The following MATN2 variants were observed in gnomAD, a reference collection of about 807,000 sequenced individuals.
The protein encoded by MATN2 is matrilin 2.
MATN2 carries 69 observed loss-of-function variants against 103.2 expected under a neutral mutation model. That is an observed-to-expected ratio of 0.67 (90% CI 0.55 to 0.82). The LOEUF is 0.82. Among genes scored for constraint, MATN2 ranks in the 40% least tolerant of loss-of-function variants. The probability of loss-of-function intolerance (pLI) is 0.00; values close to 1 mark genes in which losing one functional copy is unlikely to be tolerated. For missense variants in MATN2, 1,023 were observed against 1,211.5 expected, an observed-to-expected ratio of 0.84 and a Z score of 2.31; for synonymous variants, 429 against 450.2, an observed-to-expected ratio of 0.95 and a Z score of 0.60.
chr8:98,019,591 A>G (rs1813506165), intron 12 of MATN2, among the ~76,000 whole-genome samples: 1 of 152,234 alleles, frequency 6.6e-6, no homozygotes, highest in South Asian at 2.1e-4. Flanking sequence ...TAGCCTAGCC[A>G]AAGTGACACA....
rs868744177 is a variant in MATN2 at position 98,032,270 on chromosome 8, A to G, written c.2534A>G (p.Gln845Arg). Residue 845 changes from glutamine (Q) to arginine (R), a missense_variant, in exon 16 of 19, where the codon CAG becomes CGG. Physicochemically the swap from Gln to Arg is conservative, Grantham distance 43. Coordinates refer to ENST00000254898, the MANE Select transcript of MATN2 (RefSeq NM_002380.5). ...CEALEDSDGR[Q>R]DSPAGELPKT... is the part of the protein sequence containing the mutation. ...GCTCTAGAAGACTCCGATGGAAGAC[A>G]GGACTCTCCAGCAGGGGAACTGCCA... 7.4e-6 allele frequency: 12 copies of G among 1,611,936 alleles called. No individual in the cohort carries two copies. In the African/African-American group the frequency reaches 1.2e-4, roughly 16 times the overall value.
intron 2 of MATN2, among the ~76,000 whole-genome samples, chr8:97,909,275 CTG>C (rs1819281434): frequency 6.6e-6 from 1 of 152,212 alleles, no homozygotes; most frequent in Admixed American, 6.5e-5. Context: ...AATCAATTCT[CTG>C]TAGAATTTGT....
chr8:98,022,357 GCA>G (rs34090534), intron 13 of MATN2, among the ~76,000 whole-genome samples: 23,291 of 150,462 alleles, frequency 0.15, 2,088 homozygotes, highest in East Asian at 0.42. Context: ...ATACCCTTAT[GCA>G]CACACACACA....
At chr8:98,025,828 C>T (rs1264395253) in intron 13 of MATN2, 2 of 382,180 alleles carry the variant, frequency 5.2e-6, no homozygotes, top group Non-Finnish European at 1.0e-5. Flanking sequence ...AGCCTCTCCA[C>T]ACCCAAATTG....
chr8:97,910,132 G>T (rs1378996787), intron 2 of MATN2, among the ~76,000 whole-genome samples: 1 of 150,694 alleles, frequency 6.6e-6, no homozygotes, highest in African/African-American at 2.4e-5. Context: ...TGCAATCTCA[G>T]CTCACTGCAA....
chr8:98,024,659 T>A (rs1813724782), intron 13 of MATN2, among the ~76,000 whole-genome samples: 1 of 152,244 alleles, frequency 6.6e-6, no homozygotes, highest in African/African-American at 2.4e-5. Context: ...TGGGTGAGGA[T>A]GCTGTAAAGA....
At chr8:97,998,825 T>A (rs969713910) in intron 7 of MATN2, among the ~76,000 whole-genome samples, 7 of 152,180 alleles carry the variant, frequency 4.6e-5, no homozygotes. Flanking sequence ...CAACATTGGC[T>A]TTTTTAGTGT....
intron 11 of MATN2, among the ~76,000 whole-genome samples, chr8:98,017,053 G>A (rs1813389262): frequency 6.6e-6 from 1 of 152,110 alleles, no homozygotes; most frequent in Non-Finnish European, 1.5e-5. Context: ...AACAAAAAAA[G>A]TCAATGCCAG....
intron 4 of MATN2, among the ~76,000 whole-genome samples, chr8:97,947,422 A>G (rs1233765815): frequency 6.6e-6 from 1 of 152,258 alleles, no homozygotes; most frequent in African/African-American, 2.4e-5. Context: ...CAATGTTGCA[A>G]GATAAAAAGT....
At chr8:98,027,901 C>T in intron 14 of MATN2, 72 bp downstream of exon 14, 1 of 1,461,474 alleles carries the variant, frequency 6.8e-7, no homozygotes, top group East Asian at 2.3e-5. Flanking sequence ...GTGGTCTCAG[C>T]TGGCCATAAG....
intron 1 of MATN2, among the ~76,000 whole-genome samples, chr8:97,881,655 A>C (rs1293038624): frequency 6.6e-6 from 1 of 152,208 alleles, no homozygotes; most frequent in Non-Finnish European, 1.5e-5. Flanking sequence ...TCAGATGCCC[A>C]AAAATGAAAG....
At chr8:97,879,504 T>C (rs1363739054) in intron 1 of MATN2, among the ~76,000 whole-genome samples, 3 of 152,168 alleles carry the variant, frequency 2.0e-5, no homozygotes, top group Non-Finnish European at 2.9e-5. Flanking sequence ...CTGAGGCTCC[T>C]GGGAGTCTGG....
At chr8:97,962,996 C>G (rs890706083) in intron 5 of MATN2, among the ~76,000 whole-genome samples, 2 of 152,088 alleles carry the variant, frequency 1.3e-5, no homozygotes, top group African/African-American at 4.8e-5. Context: ...TTAGCTGGGT[C>G]TGGTAGTGTG....
chr8:97,879,205 G>A (rs1818173854), intron 1 of MATN2, among the ~76,000 whole-genome samples: 1 of 152,230 alleles, frequency 6.6e-6, no homozygotes, highest in Non-Finnish European at 1.5e-5. Flanking sequence ...TGAGTGACAT[G>A]TGAGCTGAGG....
intron 5 of MATN2, among the ~76,000 whole-genome samples, chr8:97,973,076 T>C (rs902763497): frequency 2.0e-5 from 3 of 152,208 alleles, no homozygotes; most frequent in Admixed American, 2.0e-4. Context: ...CCTAGAACTC[T>C]CTTGGCCTTA....
chr8:97,962,671 C>A (rs1307039282), intron 5 of MATN2, among the ~76,000 whole-genome samples: 1 of 152,078 alleles, frequency 6.6e-6, no homozygotes, highest in African/African-American at 2.4e-5. Flanking sequence ...ACACCCACTA[C>A]CACTAGCAAA....
Position 97,913,034 on chromosome 8 carries a change from C to T in MATN2, c.143-17919C>T, listed in dbSNP as rs148955066. Among the ~76,000 whole-genome samples the T allele has an allele frequency of 1.7e-4, 26 of 152,304 alleles. 1 individual carries two copies. The East Asian group carries it at 5.0e-3, about 29-fold the overall frequency. On this transcript the variant is annotated intron_variant, in intron 2 of 18. Coordinates refer to ENST00000254898, the MANE Select transcript of MATN2 (RefSeq NM_002380.5). ...AGGATGGTGCTGCCACCAGAACTGACGTCTGTGCAGCTGCTGAGCAGACAC... is the reference window on the plus strand; with the variant it reads ...AGGATGGTGCTGCCACCAGAACTGATGTCTGTGCAGCTGCTGAGCAGACAC...
intron 1 of MATN2, among the ~76,000 whole-genome samples, chr8:97,885,026 C>T (rs1818379665): frequency 6.6e-6 from 1 of 152,216 alleles, no homozygotes; most frequent in Non-Finnish European, 1.5e-5. Flanking sequence ...CACTCTTCAC[C>T]TATCCTCAGT....
chr8:97,889,195 C>T (rs886127844), intron 2 of MATN2, among the ~76,000 whole-genome samples: 1 of 151,900 alleles, frequency 6.6e-6, no homozygotes, highest in East Asian at 1.9e-4. Flanking sequence ...ACCTGGTAGC[C>T]TCAGTGGCAT....
Sources: gnomAD v4.1 joint callset for allele counts (sites outside exome capture counted in the v4.1 genomes callset) on GRCh38, gnomAD v4.1.1 for gene constraint, MANE v1.5 for transcripts, NCBI Gene and HGNC (gene_info 2026-07-23, HGNC 2026-07-21) for gene names.